The following PIGN variants were observed in gnomAD, a reference collection of about 807,000 sequenced individuals.
PIGN encodes phosphatidylinositol glycan anchor biosynthesis class N, also known as GPI ethanolamine phosphate transferase 1.
Under a neutral mutation model 125.4 loss-of-function variants are expected in PIGN, and 117 were observed. That is an observed-to-expected ratio of 0.93 (90% CI 0.80 to 1.09). The LOEUF (loss-of-function observed/expected upper bound fraction) is 1.09. Among genes scored for constraint, PIGN ranks in the 50% least tolerant of loss-of-function variants. PIGN has a pLI of 0.00. For missense variants in PIGN, 1,075 were observed against 1,094.9 expected, an observed-to-expected ratio of 0.98 and a Z score of 0.26; for synonymous variants, 392 against 377.8, an observed-to-expected ratio of 1.04 and a Z score of -0.44.
chr18:62,152,971 T>C (rs530473381), intron 7 of PIGN, among the ~76,000 whole-genome samples: 2 of 152,204 alleles, frequency 1.3e-5, no homozygotes, highest in Middle Eastern at 3.4e-3. Context: ...AGCCAGGACA[T>C]GAAGTTCGAG....
chr18:62,182,314 G>A (rs1351973933), intron 1 of PIGN, among the ~76,000 whole-genome samples: 2 of 121,032 alleles, frequency 1.7e-5, no homozygotes, highest in South Asian at 3.0e-4. Context: ...CTACATGGAC[G>A]TTTCAAAGAC....
chr18:62,105,901 C>G (rs998065384), intron 19 of PIGN, among the ~76,000 whole-genome samples: 2 of 152,124 alleles, frequency 1.3e-5, no homozygotes, highest in Non-Finnish European at 2.9e-5. Flanking sequence ...ACAATAACCT[C>G]AAGAGGCAGG....
At chr18:62,119,933 TA>T (rs1175161992) in intron 14 of PIGN, among the ~76,000 whole-genome samples, 1 of 151,582 alleles carries the variant, frequency 6.6e-6, no homozygotes, top group African/African-American at 2.4e-5. Context: ...AGAAAAATAC[TA>T]AAAAGATTAT....
At chr18:62,033,212 A>G (rs992907026) in intron 23 of PIGN, among the ~76,000 whole-genome samples, 1 of 152,166 alleles carries the variant, frequency 6.6e-6, no homozygotes, top group Non-Finnish European at 1.5e-5. Flanking sequence ...TCCCCCCAAG[A>G]CCCCTTTAAT....
chr18:62,095,848 C>G lies in PIGN; in HGVS notation c.2180G>C (p.Gly727Ala). 3 of 1,570,126 alleles carry G rather than the reference C, an allele frequency of 1.9e-6. No individual in the cohort carries two copies. The highest frequency in any genetic ancestry group is 2.6e-6 in the Non-Finnish European group (3 of 1,140,516). ...AATTAAATTGTTAAAAAGTTTATAC[C>G]CTGTGCTTAGAAGTAGGTAGGTTGA... ...LMSTYLLLST[G>A]YEALFPLVLS... is the part of the protein sequence containing the mutation. The change falls in exon 23 of 31, where the codon GGG (glycine) becomes GCG (alanine). Residue 727 changes from glycine (G) to alanine (A), a missense_variant and splice_region_variant. Transcript: ENST00000640252.
intron 4 of PIGN, 72 bp from the exon 5 acceptor site, chr18:62,157,880 TAA>T: frequency 7.3e-7 from 1 of 1,360,890 alleles, no homozygotes; most frequent in East Asian, 2.4e-5. Context: ...TTTAGAAACA[TAA>T]GATTATTACA....
intron 22 of PIGN, among the ~76,000 whole-genome samples, chr18:62,099,578 T>C (rs2034355432): frequency 6.6e-6 from 1 of 152,168 alleles, no homozygotes; most frequent in South Asian, 2.1e-4. Flanking sequence ...TACAAAGCTA[T>C]AGTAACCCAA....
At chr18:62,140,546 G>T in intron 11 of PIGN, 67 bp from the exon 12 acceptor site, 2 of 757,066 alleles carry the variant, frequency 2.6e-6, no homozygotes, top group Non-Finnish European at 4.4e-6. Context: ...ATAATGTAAT[G>T]CAACCATATT....
At chr18:62,154,791 ATGGG>A in intron 6 of PIGN, 140 bp from the exon 7 acceptor site, 1 of 611,164 alleles carries the variant, frequency 1.6e-6, no homozygotes, top group Non-Finnish European at 2.9e-6. Context: ...GAAGAGAAAA[ATGGG>A]AGGAATAATT....
chr18:62,077,341 C>G (rs2033225155), intron 28 of PIGN, among the ~76,000 whole-genome samples: 1 of 152,158 alleles, frequency 6.6e-6, no homozygotes, highest in Non-Finnish European at 1.5e-5. Context: ...CCACTGCACT[C>G]CAGCCTGGGT....
At position 62,045,898 on chromosome 18, in the gene PIGN, C is replaced by G; in HGVS notation, c.2754G>C (p.Lys918Asn). Residue 918 changes from lysine (K) to asparagine (N), a missense_variant, in exon 31 of 31, where the codon AAG (lysine) becomes AAC (asparagine). Around this residue, in one of 3 missense-constraint regions of PIGN, gnomAD observed 915 missense variants for 908.7 expected, o/e 1.01. Transcript: ENST00000640252. ...LNGLAQLLTT[K>N]KLRLCGKPKS... ...TGGGTTTGCCACATAGTCTGAGTTT[C>G]TTCGTTGTGAGCAGCTGGGCCAGGC... 1 of 1,613,852 alleles carries G rather than the reference C, an allele frequency of 6.2e-7. No individual in the cohort carries two copies. Among genetic ancestry groups the G allele is most frequent in the Non-Finnish European group, 8.5e-7 (1 of 1,179,840 alleles).
intron 30 of PIGN, chr18:62,070,311 T>TCTAAACTTTCC (rs1222223768): frequency 5.0e-6 from 2 of 397,136 alleles, no homozygotes; most frequent in Non-Finnish European, 8.9e-6. Context: ...GAAGGGGATA[T>TCTAAACTTTCC]CTAAACTTTC....
At chr18:62,038,121 T>A (rs2056880265), downstream of PIGN, among the ~76,000 whole-genome samples, 1 of 152,196 alleles carries the variant, frequency 6.6e-6, no homozygotes, top group Non-Finnish European at 1.5e-5. Flanking sequence ...GTATTAGGCA[T>A]GAAAGCAGCA....
chr18:62,171,497 T>C (rs190786569), intron 1 of PIGN, among the ~76,000 whole-genome samples: 1 of 152,320 alleles, frequency 6.6e-6, no homozygotes, highest in East Asian at 1.9e-4. Context: ...ACCTCCAGTA[T>C]GATGTGGAAT....
chr18:62,103,676 G>A (rs1315517394), intron 20 of PIGN: 2 of 152,124 alleles, frequency 1.3e-5, no homozygotes, highest in Non-Finnish European at 2.9e-5. Flanking sequence ...AAAAGGAATT[G>A]GTTGAAGAGA....
chr18:62,179,767 T>C lies in PIGN; in HGVS notation c.-236+7077A>G, dbSNP rs563934264. On this transcript the variant is annotated intron_variant, in intron 1 of 30. Coordinates refer to ENST00000640252, the MANE Select transcript of PIGN (RefSeq NM_176787.5). ...GTCTCAAAATAAATAAATACATACA[T>C]AAATAAAAGCCATCTGTCATTCTAC... Among the ~76,000 whole-genome samples the C allele has an allele frequency of 7.3e-4, 111 of 152,158 alleles. 2 individuals are homozygous for C. The South Asian group carries it at 0.023, about 31-fold the overall frequency.
intron 14 of PIGN, among the ~76,000 whole-genome samples, chr18:62,131,865 G>A (rs1392565445): frequency 1.3e-5 from 2 of 152,076 alleles, no homozygotes; most frequent in Non-Finnish European, 2.9e-5. Flanking sequence ...AAATGGTGAA[G>A]ATACCATTAA....
intron 16 of PIGN, among the ~76,000 whole-genome samples, chr18:62,111,112 T>C (rs143571848): frequency 1.3e-5 from 2 of 152,136 alleles, no homozygotes; most frequent in East Asian, 1.9e-4. Context: ...AGAGAAAGAA[T>C]TCAAGTGTCA....
At chr18:62,058,098 C>G (rs1342190641) in intron 30 of PIGN, among the ~76,000 whole-genome samples, 11 of 151,892 alleles carry the variant, frequency 7.2e-5, no homozygotes. Flanking sequence ...CCTTCAAAGA[C>G]TCTTTCTTGT....
Sources: allele counts gnomAD v4.1 joint callset (sites outside exome capture counted in the v4.1 genomes callset), GRCh38; gene constraint gnomAD v4.1.1; regional missense constraint gnomAD v4.1.1; transcripts MANE v1.5; gene names NCBI Gene and HGNC (gene_info 2026-07-23, HGNC 2026-07-21).